The following KLHL4 variants were observed in gnomAD, a reference collection of about 807,000 sequenced individuals.
KLHL4 encodes the protein kelch-like protein 4.
Under a neutral mutation model 45.8 loss-of-function variants are expected in KLHL4, and 17 were observed. The observed-to-expected ratio is 0.37, with a 90% CI of 0.25 to 0.56. The LOEUF (loss-of-function observed/expected upper bound fraction) is 0.56. KLHL4 is among the 20% of genes least tolerant of loss of function. KLHL4 has a pLI of 0.79. For missense variants in KLHL4, 544 were observed against 544.9 expected (o/e 1.00, Z 0.02); for synonymous variants, 224 against 189.9 (o/e 1.18, Z -1.47).
intron 5 of KLHL4, among the ~76,000 whole-genome samples, chrX:87,624,533 G>A (rs1922858877): frequency 9.0e-6 from 1 of 111,563 alleles, no homozygotes; most frequent in Non-Finnish European, 1.9e-5. Flanking sequence ...GAACAGAACT[G>A]AAATTAACAC....
In KLHL4 at chrX:87,668,095, T is replaced by A. The variant is rs1472500529; in HGVS notation, c.*1561T>A. Reference sequence around the variant, plus strand: ...TAATTCTAAAGAGAGAGCTATAGATTTCTGCAGTTCTAGAGGTGAAGATAG... The same window carrying A: ...TAATTCTAAAGAGAGAGCTATAGATATCTGCAGTTCTAGAGGTGAAGATAG... On this transcript the variant is annotated 3_prime_UTR_variant, in exon 11 of 11. Coordinates refer to ENST00000373119, the MANE Select transcript of KLHL4 (RefSeq NM_019117.5). 6.7e-6 allele frequency: 5 copies of A among 749,412 alleles called. No individual in the cohort carries two copies. In the African/African-American group the frequency reaches 1.2e-4, roughly 17 times the overall value. 61.8% of individuals were successfully genotyped at this position (749,412 alleles called of 1,213,427 possible).
chrX:87,654,579 C>G (rs768802245), intron 9 of KLHL4, among the ~76,000 whole-genome samples: 1 of 111,533 alleles, frequency 9.0e-6, no homozygotes, highest in Admixed American at 9.6e-5. Flanking sequence ...CATATATTTG[C>G]TATTGTGAAT....
At chrX:87,582,260 A>G (rs766977933) in intron 1 of KLHL4, among the ~76,000 whole-genome samples, 18 of 108,155 alleles carry the variant, frequency 1.7e-4, no homozygotes, top group Non-Finnish European at 3.2e-4. Flanking sequence ...CCTGGTTTTA[A>G]CTTTATATCA....
At chrX:87,575,426 C>T (rs761399986) in intron 1 of KLHL4, among the ~76,000 whole-genome samples, 1 of 111,841 alleles carries the variant, frequency 8.9e-6, no homozygotes, top group East Asian at 2.8e-4. Flanking sequence ...CAACATCCCC[C>T]ATCCATGGAA....
chrX:87,533,958 C>T (rs1441977456), intron 1 of KLHL4, among the ~76,000 whole-genome samples: 1 of 111,011 alleles, frequency 9.0e-6, no homozygotes, highest in Non-Finnish European at 1.9e-5. Context: ...AAGGGAATTT[C>T]AATTAGGAGT....
intron 1 of KLHL4, among the ~76,000 whole-genome samples, chrX:87,588,781 AAAG>A (rs752778374): frequency 1.6e-3 from 181 of 110,057 alleles, no homozygotes; most frequent in Non-Finnish European, 3.1e-3. Flanking sequence ...CAGGCAACCA[AAAG>A]AAGAAGAAGA....
intron 1 of KLHL4, among the ~76,000 whole-genome samples, chrX:87,600,468 A>T (rs983331044): frequency 2.2e-5 from 2 of 92,998 alleles, no homozygotes; most frequent in Non-Finnish European, 4.3e-5. Flanking sequence ...GGGCGACAGA[A>T]CGAGACTTCG....
Position 87,668,146 on chromosome X carries a change from CATACA to C in KLHL4, c.*1613_*1617del. ...AGACATAGAGAGGCTGTGAAACACA[CATACA>C]GCCCTGTTAGGTCTTTTGAATTCAC... On this transcript the variant is annotated 3_prime_UTR_variant, in exon 11 of 11. Transcript: ENST00000373119. The C allele has an allele frequency of 1.3e-6, 1 of 747,460 alleles. No homozygotes were observed. Among genetic ancestry groups the C allele is most frequent in the Non-Finnish European group, 1.6e-6 (1 of 632,885 alleles). The allele number at this position is 747,460 out of a possible 1,213,427, so 61.6% of individuals were successfully genotyped here. A position where few individuals can be genotyped will look rare whatever the true frequency, so the allele number is the denominator to read the frequency against.
chrX:87,564,254 TATG>T (rs201517698), intron 1 of KLHL4, among the ~76,000 whole-genome samples: 1 of 69,188 alleles, frequency 1.4e-5, no homozygotes, highest in Non-Finnish European at 2.6e-5. Context: ...ATATATGTAT[TATG>T]ATAATATGTA....
rs978064693 is a variant in KLHL4 at position 87,657,506 on chromosome X, C to T, written c.1926-7258C>T. On this transcript the variant is annotated intron_variant, in intron 9 of 10. Transcript: ENST00000373119. ...AGTATTAATGTACAAGGCAGGTGAGCAGGTTCAGGGCCTCCTAAGCAGCTG... is the reference window on the plus strand; with the variant it reads ...AGTATTAATGTACAAGGCAGGTGAGTAGGTTCAGGGCCTCCTAAGCAGCTG... 1.2e-4 allele frequency among the ~76,000 whole-genome samples: 14 copies of T among 112,094 alleles called. No individual in the cohort carries two copies. In the Admixed American group the frequency reaches 1.3e-3, roughly 11 times the overall value.
At chrX:87,630,855 A>G (rs1176603146) in intron 6 of KLHL4, among the ~76,000 whole-genome samples, 1 of 112,008 alleles carries the variant, frequency 8.9e-6, no homozygotes, top group South Asian at 3.7e-4. Context: ...CTGGGGTAAC[A>G]CCTGAGGTTC....
intron 1 of KLHL4, among the ~76,000 whole-genome samples, chrX:87,528,867 C>T (rs916005604): frequency 4.1e-4 from 45 of 109,521 alleles, no homozygotes; most frequent in African/African-American, 1.3e-3. Context: ...CAATTATATT[C>T]AACCCAAATA....
chrX:87,518,461 C>T (rs2147757780), intron 1 of KLHL4, 146 bp downstream of exon 1: 2 of 513,118 alleles, frequency 3.9e-6, no homozygotes, highest in East Asian at 7.2e-5. Flanking sequence ...ACCGTCTCCT[C>T]TAAGTTTATA....
intron 8 of KLHL4, among the ~76,000 whole-genome samples, chrX:87,634,598 G>A (rs1923201360): frequency 8.9e-6 from 1 of 112,017 alleles, no homozygotes; most frequent in Non-Finnish European, 1.9e-5. Flanking sequence ...AGCCTTGTGT[G>A]TTTATATTGA....
intron 6 of KLHL4, among the ~76,000 whole-genome samples, chrX:87,629,494 T>C (rs968703931): frequency 1.8e-5 from 2 of 110,863 alleles, no homozygotes; most frequent in Non-Finnish European, 3.8e-5. Flanking sequence ...ATCTAATGCC[T>C]TGAAAAGTTT....
At chrX:87,596,795 A>G (rs997111664) in intron 1 of KLHL4, among the ~76,000 whole-genome samples, 44 of 112,420 alleles carry the variant, frequency 3.9e-4, no homozygotes, top group African/African-American at 1.3e-3. Context: ...ATTTGAACAC[A>G]AACAGTCTCT....
chrX:87,638,362 C>CA (rs948026872), intron 9 of KLHL4, among the ~76,000 whole-genome samples: 48 of 111,069 alleles, frequency 4.3e-4, no homozygotes, highest in African/African-American at 1.5e-3. Flanking sequence ...AAATTTATCA[C>CA]AAAAAAATCA....
At position 87,648,656 on chromosome X, in the gene KLHL4, T is replaced by C. The variant is rs182246073; in HGVS notation, c.1925+12881T>C. 1.6e-3 allele frequency among the ~76,000 whole-genome samples: 180 copies of C among 110,210 alleles called. 1 individual carries two copies. Among genetic ancestry groups the C allele is most frequent in the African/African-American group, 5.7e-3 (168 of 29,565 alleles). On this transcript the variant is annotated intron_variant, in intron 9 of 10. Transcript: ENST00000373119. ...AGAGTCTAAAGAAAAAGGATGAATA[T>C]TATTTTTTTTCTGATAAATGTACCA...
In KLHL4 at chrX:87,635,749, C is replaced by T; in HGVS notation, c.1899C>T (p.Cys633=). ...GGHDAPASNH[C]SRLSDCVERY... ...ATGATGCCCCTGCTTCCAACCATTG[C>T]TCCAGGCTTTCTGACTGTGTGGAAC... is the stretch of plus-strand genomic sequence containing the variant. The change falls in exon 9 of 11, where the codon TGC becomes TGT. Residue 633 remains cysteine (C), a synonymous_variant. Transcript: ENST00000373119. 1 of 1,196,694 alleles carries T rather than the reference C, an allele frequency of 8.4e-7. No individual in the cohort carries two copies.
Sources: allele counts gnomAD v4.1 joint callset (sites outside exome capture counted in the v4.1 genomes callset), GRCh38; gene constraint gnomAD v4.1.1; transcripts MANE v1.5; gene names NCBI Gene and HGNC (gene_info 2026-07-23, HGNC 2026-07-21).